Variants in SPOCK3 observed in about 807,000 individuals in gnomAD.
The protein encoded by SPOCK3 is testican-3.
A neutral mutation model predicts 56.6 loss-of-function variants in SPOCK3; 30 were observed. That is an observed-to-expected ratio of 0.53 (90% CI 0.40 to 0.72). The LOEUF (loss-of-function observed/expected upper bound fraction) is 0.72, where lower values mean the gene tolerates loss of function less well. Ranked by LOEUF, SPOCK3 falls within the 30% of genes least tolerant of loss-of-function variation. The pLI is 0.00. For missense variants in SPOCK3, 527 were observed against 530.0 expected, an observed-to-expected ratio of 0.99 and a Z score of 0.06; for synonymous variants, 196 against 183.3, an observed-to-expected ratio of 1.07 and a Z score of -0.56.
intron 4 of SPOCK3, among the ~76,000 whole-genome samples, chr4:166,977,184 G>A (rs970302112): frequency 1.1e-4 from 16 of 151,854 alleles, no homozygotes; most frequent in African/African-American, 3.9e-4. Flanking sequence ...CTTCTATTAA[G>A]TCTGTCTTTT....
intron 6 of SPOCK3, among the ~76,000 whole-genome samples, chr4:166,841,791 G>A (rs79818098): frequency 9.2e-4 from 140 of 152,286 alleles, no homozygotes; most frequent in African/African-American, 3.0e-3. Context: ...TCTTGAGTAC[G>A]AGCAACATCA....
intron 2 of SPOCK3, among the ~76,000 whole-genome samples, chr4:167,136,996 T>A (rs1580404925): frequency 6.6e-6 from 1 of 152,082 alleles, no homozygotes; most frequent in Non-Finnish European, 1.5e-5. Context: ...AAAATTAACA[T>A]CTTTGATTAT....
intron 5 of SPOCK3, among the ~76,000 whole-genome samples, chr4:166,906,218 C>A (rs114728378): frequency 0.027 from 4,108 of 152,116 alleles, 169 homozygotes; most frequent in African/African-American, 0.084. Flanking sequence ...AGTTCACTGA[C>A]CATACTAAAG....
At chr4:166,952,651 G>A (rs995531933) in intron 4 of SPOCK3, among the ~76,000 whole-genome samples, 1 of 152,092 alleles carries the variant, frequency 6.6e-6, no homozygotes, top group Admixed American at 6.6e-5. Flanking sequence ...AAAGAACAAA[G>A]CTGGAGGCAT....
intron 5 of SPOCK3, among the ~76,000 whole-genome samples, chr4:166,900,785 GA>G (rs1735963653): frequency 6.6e-6 from 1 of 152,110 alleles, no homozygotes; most frequent in African/African-American, 2.4e-5. Context: ...TAAAGTTTAG[GA>G]GTTGATGGAA....
intron 2 of SPOCK3, among the ~76,000 whole-genome samples, chr4:167,199,683 A>C (rs1358422529): frequency 1.4e-5 from 2 of 142,846 alleles, no homozygotes; most frequent in African/African-American, 5.2e-5. Flanking sequence ...CCAACTTATA[A>C]TGTGTGAAAT....
intron 2 of SPOCK3, among the ~76,000 whole-genome samples, chr4:167,139,164 T>A (rs1342240871): frequency 6.6e-6 from 1 of 151,992 alleles, no homozygotes; most frequent in Non-Finnish European, 1.5e-5. Context: ...AATAGATTCA[T>A]TTAGTCGGTG....
intron 2 of SPOCK3, among the ~76,000 whole-genome samples, chr4:167,205,538 TATATATTATATAATATATAA>T (rs1734196263): frequency 1.8e-5 from 1 of 55,850 alleles, no homozygotes; most frequent in African/African-American, 9.1e-5. Context: ...TATTATATAA[TATATATTATATAATATATAA>T]TATATATTAT....
intron 5 of SPOCK3, among the ~76,000 whole-genome samples, chr4:166,911,892 T>C (rs944915715): frequency 1.3e-5 from 2 of 152,164 alleles, no homozygotes; most frequent in African/African-American, 2.4e-5. Flanking sequence ...TATGCTACAC[T>C]ACCTTTCTAA....
At chr4:167,024,626 T>A (rs2150168516) in intron 3 of SPOCK3, among the ~76,000 whole-genome samples, 1 of 152,156 alleles carries the variant, frequency 6.6e-6, no homozygotes, top group South Asian at 2.1e-4. Context: ...TATGTGTCAG[T>A]AACCCCTCAA....
chr4:166,834,314 A>G (rs952521083), intron 6 of SPOCK3, among the ~76,000 whole-genome samples: 1 of 152,200 alleles, frequency 6.6e-6, no homozygotes, highest in Non-Finnish European at 1.5e-5. Flanking sequence ...GATCGCTCAT[A>G]GGTAGCCACC....
At chr4:167,183,835 G>C (rs1449284442) in intron 2 of SPOCK3, among the ~76,000 whole-genome samples, 4 of 152,158 alleles carry the variant, frequency 2.6e-5, no homozygotes, top group Non-Finnish European at 4.4e-5. Flanking sequence ...GAGCTTACCA[G>C]AATCAACCTA....
chr4:166,912,644 T>A lies in SPOCK3; in HGVS notation c.450A>T (p.Ser150=), dbSNP rs1352042418. 1 of 1,613,670 alleles carries A rather than the reference T, an allele frequency of 6.2e-7. No individual in the cohort carries two copies. The highest frequency in any genetic ancestry group is 8.5e-7 in the Non-Finnish European group (1 of 1,179,826). The change falls in exon 5 of 11, where the codon TCA becomes TCT. Residue 150 remains serine, a synonymous_variant. Transcript: ENST00000357545. ...CCTGAAAAGAGTAGGTATGACCATCTGAACCACAAACAGGGCTGGGATAGA... is the reference window on the plus strand; with the variant it reads ...CCTGAAAAGAGTAGGTATGACCATCAGAACCACAAACAGGGCTGGGATAGA... ...PVVYPSPVCG[S]DGHTYSFQCK... is the part of the protein sequence containing the mutation.
rs112794099 is a variant in SPOCK3, at chr4:166,748,314, C to T, written c.931+6194G>A. ...TATAGACCAGTGGAACAGAACAGAGCCCTCAGAAATAATACCACACATCTA... is the reference window on the plus strand; with the variant it reads ...TATAGACCAGTGGAACAGAACAGAGTCCTCAGAAATAATACCACACATCTA... On this transcript the variant is annotated intron_variant, in intron 8 of 10. Transcript: ENST00000357545. 3.3e-4 allele frequency among the ~76,000 whole-genome samples: 45 copies of T among 136,468 alleles called. 13 individuals carry two copies. The highest frequency in any genetic ancestry group is 1.4e-3 in the African/African-American group (45 of 31,824). The allele number at this position is 136,468 out of a possible 152,430, so 89.5% of individuals were successfully genotyped here.
chr4:166,831,609 A>T (rs188576982), intron 6 of SPOCK3, among the ~76,000 whole-genome samples: 235 of 152,018 alleles, frequency 1.5e-3, no homozygotes, highest in Non-Finnish European at 3.0e-3. Flanking sequence ...TACTCTCATT[A>T]TCCTATTAAA....
chr4:166,798,530 C>G (rs1742209050), intron 6 of SPOCK3, among the ~76,000 whole-genome samples: 1 of 152,178 alleles, frequency 6.6e-6, no homozygotes, highest in East Asian at 1.9e-4. Flanking sequence ...AACAAAGTGA[C>G]AGAAGCTGTT....
At chr4:167,054,865 G>C (rs1453527064) in intron 3 of SPOCK3, among the ~76,000 whole-genome samples, 3 of 152,134 alleles carry the variant, frequency 2.0e-5, no homozygotes, top group African/African-American at 7.2e-5. Flanking sequence ...GTCTGTCCAA[G>C]TGAAAATATG....
At chr4:167,036,887 T>C (rs1288966880) in intron 3 of SPOCK3, among the ~76,000 whole-genome samples, 1 of 152,152 alleles carries the variant, frequency 6.6e-6, no homozygotes, top group Non-Finnish European at 1.5e-5. Flanking sequence ...ATCCATATTG[T>C]TTGAAAATTT....
At chr4:166,969,357 C>T (rs181825996) in intron 4 of SPOCK3, among the ~76,000 whole-genome samples, 4 of 152,214 alleles carry the variant, frequency 2.6e-5, no homozygotes, top group African/African-American at 9.6e-5. Context: ...TCTGTGCCCC[C>T]ACCCAAGTCT....
Sources: gnomAD v4.1 joint callset for allele counts (sites outside exome capture counted in the v4.1 genomes callset) on GRCh38, gnomAD v4.1.1 for gene constraint, MANE v1.5 for transcripts, NCBI Gene and HGNC (gene_info 2026-07-23, HGNC 2026-07-21) for gene names.